The following TMEM182 variants were observed in gnomAD, a reference collection of about 807,000 sequenced individuals.
TMEM182 encodes transmembrane protein 182.
TMEM182 carries 20 observed loss-of-function variants against 26.8 expected under a neutral mutation model. The observed-to-expected ratio is 0.75, with a 90% confidence interval of 0.53 to 1.09. The LOEUF (loss-of-function observed/expected upper bound fraction) is 1.09, where lower values mean the gene tolerates loss of function less well. TMEM182 is among the 50% of genes least tolerant of loss of function. The probability of loss-of-function intolerance (pLI) is 0.00; values close to 1 mark genes in which losing one functional copy is unlikely to be tolerated. For synonymous variants in TMEM182, 109 were observed against 102.2 expected (o/e 1.07, Z -0.40); for missense variants, 277 against 275.5 (o/e 1.01, Z -0.04).
chr2:102,829,260 C>T (rs777710652), intron 3 of TMEM182, among the ~76,000 whole-genome samples: 8 of 152,124 alleles, frequency 5.3e-5, no homozygotes, highest in Non-Finnish European at 1.0e-4. Context: ...AGACCTGGCT[C>T]TTGGTATAGT....
chr2:102,759,829 G>T (rs913314543), upstream of TMEM182, among the ~76,000 whole-genome samples: 3 of 151,996 alleles, frequency 2.0e-5, no homozygotes, highest in Non-Finnish European at 4.4e-5. Flanking sequence ...TCCTTGGCTT[G>T]TGGTCCCCTT....
chr2:102,764,275 A>C, intron 2 of TMEM182, 54 bp from the exon 3 acceptor site: 1 of 1,527,708 alleles, frequency 6.5e-7, no homozygotes, highest in Admixed American at 1.7e-5. Flanking sequence ...ATTAAGGATG[A>C]GTCATGACTG....
intron 1 of TMEM182, among the ~76,000 whole-genome samples, chr2:102,744,085 CT>C (rs894690415): frequency 2.0e-5 from 3 of 152,170 alleles, no homozygotes; most frequent in African/African-American, 7.2e-5. Context: ...TTGTGAAATA[CT>C]TTAACATCAG....
intron 1 of TMEM182, among the ~76,000 whole-genome samples, chr2:102,740,462 C>A (rs1679511507): frequency 1.3e-5 from 2 of 152,162 alleles, no homozygotes; most frequent in African/African-American, 4.8e-5. Flanking sequence ...TCCCCTTCCA[C>A]CATGATTGTA....
intron 4 of TMEM182, among the ~76,000 whole-genome samples, chr2:102,810,304 C>T (rs1195352614): frequency 6.6e-6 from 1 of 151,950 alleles, no homozygotes; most frequent in Non-Finnish European, 1.5e-5. Context: ...TTAGAATATG[C>T]CTCCATTTTT....
chr2:102,837,698 C>T lies in TMEM182; in HGVS notation c.326-5714C>T, dbSNP rs1037562312. ...CACTTGGTTCATTTCACATTGACCACGTAGAGCAGAATGGGGCTGATGGGC... is the reference window on the plus strand; with the variant it reads ...CACTTGGTTCATTTCACATTGACCATGTAGAGCAGAATGGGGCTGATGGGC... On this transcript the variant is annotated intron_variant, in intron 3 of 3. Transcript: ENST00000486293. Among the ~76,000 whole-genome samples, 9 of 152,176 alleles carry T rather than the reference C, an allele frequency of 5.9e-5. 1 individual carries two copies. In the South Asian group the frequency reaches 8.3e-4, roughly 14 times the overall value.
chr2:102,814,509 A>G (rs564210183), intron 4 of TMEM182, among the ~76,000 whole-genome samples: 3 of 152,346 alleles, frequency 2.0e-5, no homozygotes, highest in African/African-American at 7.2e-5. Context: ...GAAACACTCA[A>G]TAAATACCTG....
chr2:102,768,538 C>A (rs1362911637), intron 3 of TMEM182, among the ~76,000 whole-genome samples: 2 of 146,066 alleles, frequency 1.4e-5, no homozygotes, highest in Non-Finnish European at 3.0e-5. Context: ...AAAAAAAAAA[C>A]ACACACAAAA....
chr2:102,828,821 T>C (rs1254120682), intron 3 of TMEM182, among the ~76,000 whole-genome samples: 3 of 152,142 alleles, frequency 2.0e-5, no homozygotes, highest in African/African-American at 7.2e-5. Flanking sequence ...CTTTTATTGA[T>C]GCCTTAGAAG....
chr2:102,746,253 T>A (rs1019132099), intron 1 of TMEM182, among the ~76,000 whole-genome samples: 1 of 152,180 alleles, frequency 6.6e-6, no homozygotes, highest in East Asian at 1.9e-4. Flanking sequence ...GAAATACCAG[T>A]GTAGATAATT....
chr2:102,815,765 T>C lies in TMEM182; in HGVS notation c.*797T>C. 1 of 934,402 alleles carries C rather than the reference T, an allele frequency of 1.1e-6. No homozygotes were observed. The highest frequency in any genetic ancestry group is 1.3e-6 in the Non-Finnish European group (1 of 783,656). The allele number at this position is 934,402 out of a possible 1,614,324, so 57.9% of individuals were successfully genotyped here. A position where few individuals can be genotyped will look rare whatever the true frequency, so the allele number is the denominator to read the frequency against. On this transcript the variant is annotated 3_prime_UTR_variant, in exon 5 of 5. Coordinates refer to ENST00000412401, the MANE Select transcript of TMEM182 (RefSeq NM_144632.5). Reference sequence around the variant, plus strand: ...AAACCAAGCATTTCCGCTTGGTCCATAATTCTATTTGATATTTTAAAATTC... The same window carrying C: ...AAACCAAGCATTTCCGCTTGGTCCACAATTCTATTTGATATTTTAAAATTC...
chr2:102,786,161 C>T (rs1681380203), intron 3 of TMEM182, among the ~76,000 whole-genome samples: 1 of 146,796 alleles, frequency 6.8e-6, no homozygotes, highest in East Asian at 2.0e-4. Flanking sequence ...ATTTGAAGCA[C>T]TGGAATTCCG....
chr2:102,835,620 C>T (rs964128084), intron 3 of TMEM182, among the ~76,000 whole-genome samples: 2 of 152,110 alleles, frequency 1.3e-5, no homozygotes, highest in Non-Finnish European at 2.9e-5. Flanking sequence ...TTCCACCCAA[C>T]CCCTGAAAAC....
downstream of TMEM182, among the ~76,000 whole-genome samples, chr2:102,821,159 A>G (rs1682908462): frequency 6.6e-6 from 1 of 152,168 alleles, no homozygotes; most frequent in Non-Finnish European, 1.5e-5. Flanking sequence ...TCCAGACTCA[A>G]CACCCTTGAA....
At chr2:102,836,951 G>T (rs1311720113) in intron 3 of TMEM182, among the ~76,000 whole-genome samples, 1 of 152,214 alleles carries the variant, frequency 6.6e-6, no homozygotes, top group Non-Finnish European at 1.5e-5. Context: ...TTGGAGACAG[G>T]ACCTCTCTTG....
chr2:102,751,769 C>A (rs1679883267), intron 1 of TMEM182, among the ~76,000 whole-genome samples: 1 of 152,146 alleles, frequency 6.6e-6, no homozygotes, highest in South Asian at 2.1e-4. Context: ...AGGGCTCAAG[C>A]GATCCTCCTG....
At chr2:102,797,035 A>G (rs1315827780) in intron 3 of TMEM182, among the ~76,000 whole-genome samples, 1 of 152,214 alleles carries the variant, frequency 6.6e-6, no homozygotes, top group African/African-American at 2.4e-5. Context: ...AAGATTGGTA[A>G]TTATCCAACT....
chr2:102,763,537 C>T (rs1291003795), intron 2 of TMEM182, among the ~76,000 whole-genome samples: 6 of 152,090 alleles, frequency 3.9e-5, no homozygotes, highest in Non-Finnish European at 7.4e-5. Context: ...AAGACTTAAG[C>T]AAGCTGGTGA....
At chr2:102,787,415 C>T (rs902050887) in intron 3 of TMEM182, among the ~76,000 whole-genome samples, 3 of 152,138 alleles carry the variant, frequency 2.0e-5, no homozygotes, top group African/African-American at 4.8e-5. Flanking sequence ...GTCACTAATC[C>T]CATCATGAGG....
Sources: gnomAD v4.1 joint callset for allele counts (sites outside exome capture counted in the v4.1 genomes callset) on GRCh38, gnomAD v4.1.1 for gene constraint, MANE v1.5 for transcripts, NCBI Gene and HGNC (gene_info 2026-07-23, HGNC 2026-07-21) for gene names.